The following TMEFF2 variants were observed in gnomAD, a reference collection of about 807,000 sequenced individuals.
TMEFF2 encodes the protein transmembrane protein with EGF like and two follistatin like domains 2.
In TMEFF2, 28 loss-of-function variants were observed where a neutral mutation model predicts 53.8. The ratio of observed to expected loss-of-function variants is 0.52; its 90% CI spans 0.39 to 0.71. The LOEUF (loss-of-function observed/expected upper bound fraction) is 0.71, where lower values mean the gene tolerates loss of function less well. TMEFF2 is among the 30% of genes least tolerant of loss of function. The probability of loss-of-function intolerance (pLI) is 0.00; values close to 1 mark genes in which losing one functional copy is unlikely to be tolerated. For synonymous variants in TMEFF2, 162 were observed against 166.3 expected, an observed-to-expected ratio of 0.97 and a Z score of 0.20; for missense variants, 353 against 455.2, an observed-to-expected ratio of 0.78 and a Z score of 2.04.
intron 5 of TMEFF2, among the ~76,000 whole-genome samples, chr2:192,020,428 C>T (rs893374635): frequency 2.0e-5 from 3 of 152,048 alleles, no homozygotes; most frequent in Admixed American, 6.5e-5. Context: ...AGCACTTAAA[C>T]ATGACTGCAA....
At chr2:192,164,232 C>T (rs180815540) in intron 4 of TMEFF2, among the ~76,000 whole-genome samples, 11 of 152,268 alleles carry the variant, frequency 7.2e-5, no homozygotes, top group East Asian at 5.8e-4. Context: ...TCACTATGCT[C>T]GGGCTGCACT....
chr2:192,010,594 T>G (rs934557836), intron 5 of TMEFF2, among the ~76,000 whole-genome samples: 1 of 152,042 alleles, frequency 6.6e-6, no homozygotes, highest in East Asian at 1.9e-4. Flanking sequence ...TTGAATCACA[T>G]AAGTGTAGCT....
intron 5 of TMEFF2, among the ~76,000 whole-genome samples, chr2:192,050,582 C>G (rs1687744243): frequency 6.6e-6 from 1 of 151,998 alleles, no homozygotes; most frequent in Admixed American, 6.6e-5. Context: ...TCCTGAGTAA[C>G]ATTTGAAGCT....
chr2:191,954,959 C>T (rs1692019593), intron 8 of TMEFF2, among the ~76,000 whole-genome samples: 2 of 152,038 alleles, frequency 1.3e-5, no homozygotes, highest in African/African-American at 4.8e-5. Context: ...ATAACTACAT[C>T]CTGAGAAATT....
At chr2:192,029,387 A>G (rs1687059321) in intron 5 of TMEFF2, 1 of 152,244 alleles carries the variant, frequency 6.6e-6, no homozygotes, top group Non-Finnish European at 1.5e-5. Context: ...CCCAACCCAC[A>G]TAAACTCTGA....
intron 4 of TMEFF2, among the ~76,000 whole-genome samples, chr2:192,099,789 T>C (rs553092760): frequency 6.6e-6 from 1 of 152,236 alleles, no homozygotes; most frequent in South Asian, 2.1e-4. Context: ...TTGCTTTTTT[T>C]TTTTTCCATC....
At chr2:192,135,698 G>A (rs1425127800) in intron 4 of TMEFF2, among the ~76,000 whole-genome samples, 1 of 151,984 alleles carries the variant, frequency 6.6e-6, no homozygotes, top group Non-Finnish European at 1.5e-5. Flanking sequence ...CTGAGCCCAA[G>A]CCAAGCCATC....
Position 192,133,620 on chromosome 2 carries a change from T to C in TMEFF2, c.439+46048A>G, listed in dbSNP as rs1047041867. On this transcript the variant is annotated intron_variant, in intron 4 of 9. Coordinates refer to ENST00000272771, the MANE Select transcript of TMEFF2 (RefSeq NM_016192.4). ...GTGCCAAACCCATATACTCTCCTAT[T>C]CTCAATACCTCCCTCCACAATCCGT... is the stretch of plus-strand genomic sequence containing the variant. Among the ~76,000 whole-genome samples, 29 of 152,278 alleles carry C rather than the reference T, an allele frequency of 1.9e-4. No homozygotes were observed. The South Asian group carries it at 2.1e-3, about 11-fold the overall frequency.
At chr2:192,156,241 C>G (rs1690504168) in intron 4 of TMEFF2, among the ~76,000 whole-genome samples, 1 of 152,000 alleles carries the variant, frequency 6.6e-6, no homozygotes, top group Admixed American at 6.6e-5. Context: ...GATCTCTTAT[C>G]CATAATGCTA....
intron 4 of TMEFF2, among the ~76,000 whole-genome samples, chr2:192,072,470 A>G (rs1688313564): frequency 6.6e-6 from 1 of 151,960 alleles, no homozygotes; most frequent in African/African-American, 2.4e-5. Context: ...CTCAAGACAC[A>G]TTCTGTTTCC....
At chr2:192,027,077 G>C (rs1686988135) in intron 5 of TMEFF2, among the ~76,000 whole-genome samples, 1 of 152,050 alleles carries the variant, frequency 6.6e-6, no homozygotes, top group Non-Finnish European at 1.5e-5. Flanking sequence ...ACTTAAATAA[G>C]ATTTTTTAAG....
chr2:191,956,168 T>C, intron 8 of TMEFF2, 87 bp downstream of exon 8: 1 of 1,414,996 alleles, frequency 7.1e-7, no homozygotes, highest in Non-Finnish European at 9.4e-7. Flanking sequence ...TCAAGAAGAA[T>C]GTCTACCAAT....
chr2:192,066,847 G>T (rs1427700748), intron 4 of TMEFF2, among the ~76,000 whole-genome samples: 3 of 151,582 alleles, frequency 2.0e-5, no homozygotes, highest in African/African-American at 7.3e-5. Context: ...TATCAACTAT[G>T]GTATTATAAT....
chr2:192,139,194 A>C (rs1559143186), intron 4 of TMEFF2, among the ~76,000 whole-genome samples: 1 of 152,244 alleles, frequency 6.6e-6, no homozygotes, highest in East Asian at 1.9e-4. Flanking sequence ...TACCTTTACT[A>C]AGGGACATTA....
intron 4 of TMEFF2, among the ~76,000 whole-genome samples, chr2:192,119,837 G>T (rs543530188): frequency 6.6e-6 from 1 of 152,112 alleles, no homozygotes; most frequent in Non-Finnish European, 1.5e-5. Flanking sequence ...GCCTTCAATC[G>T]TAGGTGGAAT....
At chr2:191,996,651 T>C (rs192412305) in intron 7 of TMEFF2, among the ~76,000 whole-genome samples, 1 of 151,964 alleles carries the variant, frequency 6.6e-6, no homozygotes, top group Non-Finnish European at 1.5e-5. Context: ...AAAAATGTGT[T>C]ATCAAACAAT....
At chr2:192,040,033 T>G (rs1687433875) in intron 5 of TMEFF2, among the ~76,000 whole-genome samples, 1 of 152,108 alleles carries the variant, frequency 6.6e-6, no homozygotes, top group South Asian at 2.1e-4. Flanking sequence ...TATAAATAAT[T>G]TTATGTAATT....
chr2:191,991,787 C>T (rs1686114004), intron 7 of TMEFF2, among the ~76,000 whole-genome samples: 2 of 152,030 alleles, frequency 1.3e-5, no homozygotes, highest in Admixed American at 1.3e-4. Context: ...TGCATAAATA[C>T]AAAGTTTTCC....
chr2:191,999,063 G>C lies in TMEFF2; in HGVS notation c.682C>G (p.Gln228Glu). Residue 228 changes from glutamine to glutamate, a missense_variant, in exon 6 of 10, where the codon CAA becomes GAA. Physicochemically the swap from Gln to Glu is conservative, Grantham distance 29 (BLOSUM62 2). This residue lies in a region of TMEFF2 where 294 missense variants were observed against 397.3 expected (regional missense o/e 0.74). Transcript: ENST00000272771. ...TGAATTTTGGTATGAACATTACCTT[G>C]ACATCGACCCAAAGACATGACTTCA... ...KIEVMSLGRC[Q>E]DNTTTTTKSE... 6.2e-7 allele frequency: 1 copy of C among 1,607,322 alleles called. No individual in the cohort carries two copies. The highest frequency in any genetic ancestry group is 8.5e-7 in the Non-Finnish European group (1 of 1,175,978).
Sources: gnomAD v4.1 joint callset for allele counts (sites outside exome capture counted in the v4.1 genomes callset) on GRCh38, gnomAD v4.1.1 for gene constraint, gnomAD v4.1.1 regional missense constraint, MANE v1.5 for transcripts, NCBI Gene and HGNC (gene_info 2026-07-23, HGNC 2026-07-21) for gene names.